FSTL5: variants seen among roughly 807,000 people sequenced by gnomAD.
FSTL5 encodes follistatin-related protein 5.
FSTL5 carries 62 observed loss-of-function variants against 89.1 expected under a neutral mutation model. The observed-to-expected ratio is 0.70, with a 90% CI of 0.57 to 0.86. FSTL5 has a LOEUF of 0.86. FSTL5 is among the 40% of genes least tolerant of loss of function. FSTL5 has a pLI of 0.00. For missense variants in FSTL5, 1,057 were observed against 1,001.6 expected, an observed-to-expected ratio of 1.06 and a Z score of -0.75; for synonymous variants, 383 against 346.2, an observed-to-expected ratio of 1.11 and a Z score of -1.18.
At chr4:162,145,737 T>C (rs1732948380) in intron 1 of FSTL5, among the ~76,000 whole-genome samples, 1 of 152,164 alleles carries the variant, frequency 6.6e-6, no homozygotes. Flanking sequence ...TAGGATAATA[T>C]TTCCATATGC....
At chr4:161,821,583 C>A (rs1730495788) in intron 4 of FSTL5, among the ~76,000 whole-genome samples, 1 of 152,120 alleles carries the variant, frequency 6.6e-6, no homozygotes, top group African/African-American at 2.4e-5. Context: ...CACACTTACC[C>A]CCAAATCCCT....
intron 2 of FSTL5, among the ~76,000 whole-genome samples, chr4:162,092,947 C>CAAAAAA (rs57860357): frequency 2.7e-4 from 22 of 80,706 alleles, no homozygotes; most frequent in East Asian, 6.9e-4. Flanking sequence ...GACTCTGTCT[C>CAAAAAA]AAAAAAAAAA....
In FSTL5 at chr4:162,095,877, TG is replaced by T. The variant is rs148452448; in HGVS notation, c.126+15393del. Among the ~76,000 whole-genome samples, 955 of 152,110 alleles carry T rather than the reference TG, an allele frequency of 6.3e-3. 6 individuals carry two copies. Among genetic ancestry groups the T allele is most frequent in the African/African-American group, 0.022 (916 of 41,560 alleles). ...ACACACGTTACATGTGTAAGTACGA[TG>T]ATCAAGCATTTTAAACAAGTACATT... On this transcript the variant is annotated intron_variant, in intron 2 of 15. Transcript: ENST00000306100.
At chr4:161,440,104 T>C (rs1732708058) in intron 15 of FSTL5, among the ~76,000 whole-genome samples, 1 of 152,082 alleles carries the variant, frequency 6.6e-6, no homozygotes, top group African/African-American at 2.4e-5. Context: ...CACCTCACAA[T>C]GAAATGCTAC....
At chr4:161,758,936 C>A (rs1277707181) in intron 6 of FSTL5, among the ~76,000 whole-genome samples, 3 of 152,188 alleles carry the variant, frequency 2.0e-5, no homozygotes, top group African/African-American at 7.2e-5. Flanking sequence ...GCAATTCAAA[C>A]ATGTATCAAT....
chr4:162,098,892 A>C (rs1236301419), intron 2 of FSTL5, among the ~76,000 whole-genome samples: 1 of 152,116 alleles, frequency 6.6e-6, no homozygotes, highest in Non-Finnish European at 1.5e-5. Context: ...CAACAAAAAG[A>C]ATCCACACAC....
intron 2 of FSTL5, among the ~76,000 whole-genome samples, chr4:162,093,181 A>T (rs1730616133): frequency 6.6e-6 from 1 of 152,156 alleles, no homozygotes; most frequent in African/African-American, 2.4e-5. Context: ...TGATAGCATA[A>T]GACTTCAGTG....
intron 3 of FSTL5, among the ~76,000 whole-genome samples, chr4:161,978,699 T>G (rs1014353132): frequency 1.1e-4 from 17 of 152,254 alleles, no homozygotes; most frequent in African/African-American, 3.8e-4. Flanking sequence ...CTAGTTTCTG[T>G]AGTATAATCC....
At chr4:161,808,501 TA>T in intron 4 of FSTL5, among the ~76,000 whole-genome samples, 4 of 151,904 alleles carry the variant, frequency 2.6e-5, no homozygotes, top group Admixed American at 2.6e-4. Flanking sequence ...AAAATTAACT[TA>T]AAATGAATTA....
At chr4:161,713,982 CTG>C (rs767145496) in intron 6 of FSTL5, among the ~76,000 whole-genome samples, 59 of 152,150 alleles carry the variant, frequency 3.9e-4, no homozygotes, top group African/African-American at 1.3e-3. Flanking sequence ...TGTGTGAAAC[CTG>C]TGCTTCCACT....
intron 15 of FSTL5, among the ~76,000 whole-genome samples, chr4:161,401,629 A>G (rs1199238049): frequency 7.2e-5 from 11 of 152,226 alleles, no homozygotes; most frequent in Admixed American, 6.5e-4. Context: ...GGTTCACGCC[A>G]TTCCCCTGTT....
At chr4:161,800,043 G>A (rs963451441) in intron 4 of FSTL5, among the ~76,000 whole-genome samples, 1 of 151,654 alleles carries the variant, frequency 6.6e-6, no homozygotes, top group African/African-American at 2.4e-5. Flanking sequence ...TATTCAAATA[G>A]TGTTGCCCTC....
intron 4 of FSTL5, among the ~76,000 whole-genome samples, chr4:161,888,435 T>C (rs12505748): frequency 0.82 from 125,169 of 152,084 alleles, 52,391 homozygotes; most frequent in Non-Finnish European, 0.9. Flanking sequence ...CTGCAAGAAA[T>C]AGCATTTTAG....
rs568711529 is a variant in FSTL5, at chr4:161,464,465, C to T, written c.1609-5146G>A. 1.6e-4 allele frequency among the ~76,000 whole-genome samples: 25 copies of T among 152,260 alleles called. 2 individuals carry two copies. The South Asian group carries it at 5.2e-3, about 32-fold the overall frequency. On this transcript the variant is annotated intron_variant, in intron 13 of 15. Coordinates refer to ENST00000306100, the MANE Select transcript of FSTL5 (RefSeq NM_020116.5). Reference sequence around the variant, plus strand: ...CTGTGTGCATACCTCTTCTCCTCAGCTTTCCCAAGCCCTCCTGTCCTTGCT... The same window carrying T: ...CTGTGTGCATACCTCTTCTCCTCAGTTTTCCCAAGCCCTCCTGTCCTTGCT...
chr4:161,601,951 A>C (rs34431740), intron 7 of FSTL5, among the ~76,000 whole-genome samples: 26,308 of 152,054 alleles, frequency 0.17, 2,376 homozygotes, highest in Middle Eastern at 0.32. Flanking sequence ...AAGAAAAAAT[A>C]ATAGGCTGTT....
intron 8 of FSTL5, among the ~76,000 whole-genome samples, chr4:161,564,278 A>C (rs957850454): frequency 6.6e-6 from 1 of 151,028 alleles, no homozygotes; most frequent in Admixed American, 6.6e-5. Context: ...TTTTTAACAC[A>C]GTTCCAGTAT....
At chr4:161,405,589 C>A (rs1731347707) in intron 15 of FSTL5, among the ~76,000 whole-genome samples, 1 of 152,056 alleles carries the variant, frequency 6.6e-6, no homozygotes, top group Non-Finnish European at 1.5e-5. Context: ...ACCAGTTACG[C>A]AATTTTCCAA....
chr4:161,659,495 G>A (rs994089793), intron 6 of FSTL5, among the ~76,000 whole-genome samples: 3 of 151,948 alleles, frequency 2.0e-5, no homozygotes, highest in Non-Finnish European at 2.9e-5. Flanking sequence ...ATTTAATATT[G>A]CAAGTTAAAA....
chr4:161,840,626 T>G (rs1731180364), intron 4 of FSTL5, among the ~76,000 whole-genome samples: 1 of 152,176 alleles, frequency 6.6e-6, no homozygotes, highest in African/African-American at 2.4e-5. Context: ...GTGCTCTATC[T>G]CTTCCGGGAT....
Sources: allele counts gnomAD v4.1 joint callset (sites outside exome capture counted in the v4.1 genomes callset), GRCh38; gene constraint gnomAD v4.1.1; transcripts MANE v1.5; gene names NCBI Gene and HGNC (gene_info 2026-07-23, HGNC 2026-07-21).